The following TSHZ3 variants were observed in gnomAD, a reference collection of about 807,000 sequenced individuals.
TSHZ3 encodes teashirt zinc finger homeobox 3, also known as teashirt homolog 3.
Under a neutral mutation model 64.5 loss-of-function variants are expected in TSHZ3, and 10 were observed. The observed-to-expected ratio is 0.16, with a 90% CI of 0.10 to 0.26. TSHZ3 has a LOEUF of 0.26. Among genes scored for constraint, TSHZ3 ranks in the 10% least tolerant of loss-of-function variants. TSHZ3 has a pLI of 1.00. For missense variants in TSHZ3, 1,242 were observed against 1,421.7 expected, an observed-to-expected ratio of 0.87 and a Z score of 2.03; for synonymous variants, 608 against 593.1, an observed-to-expected ratio of 1.03 and a Z score of -0.36.
intron 5 of TSHZ3, among the ~76,000 whole-genome samples, chr19:31,194,168 T>C (rs1467275645): frequency 1.3e-5 from 2 of 152,194 alleles, no homozygotes; most frequent in Non-Finnish European, 2.9e-5. Context: ...GGAGTCTCAG[T>C]GTGGATAAAC....
chr19:31,321,112 T>C (rs1390667007), intron 1 of TSHZ3, among the ~76,000 whole-genome samples: 3 of 152,234 alleles, frequency 2.0e-5, no homozygotes, highest in Admixed American at 1.3e-4. Context: ...AGGATGGCAG[T>C]GATACCATGC....
At chr19:31,307,364 C>T (rs575396137) in intron 1 of TSHZ3, among the ~76,000 whole-genome samples, 1 of 152,142 alleles carries the variant, frequency 6.6e-6, no homozygotes, top group Non-Finnish European at 1.5e-5. Flanking sequence ...ACGATGGGGC[C>T]AACTGCATAT....
intron 1 of TSHZ3, among the ~76,000 whole-genome samples, chr19:31,310,714 G>A (rs1002918172): frequency 7.9e-5 from 12 of 152,224 alleles, no homozygotes; most frequent in Admixed American, 6.5e-4. Flanking sequence ...AGCAGGACTT[G>A]AGCAAGCTAC....
At chr19:31,284,014 C>T (rs1341323533) in intron 1 of TSHZ3, among the ~76,000 whole-genome samples, 1 of 152,192 alleles carries the variant, frequency 6.6e-6, no homozygotes, top group Admixed American at 6.5e-5. Context: ...TTCGACCCAA[C>T]AATGCATCAC....
At chr19:31,338,167 T>C (rs11878775) in intron 1 of TSHZ3, among the ~76,000 whole-genome samples, 1,763 of 152,062 alleles carry the variant, frequency 0.012, 35 homozygotes, top group African/African-American at 0.04. Flanking sequence ...GCAGAAGAGG[T>C]GGAAAGGCCA....
At chr19:31,193,133 A>C (rs1051771277) in intron 5 of TSHZ3, among the ~76,000 whole-genome samples, 1 of 152,124 alleles carries the variant, frequency 6.6e-6, no homozygotes, top group Non-Finnish European at 1.5e-5. Context: ...TTCTCTTGTC[A>C]TTGCTAAGCC....
intron 5 of TSHZ3, among the ~76,000 whole-genome samples, chr19:31,161,775 G>A (rs1397412136): frequency 6.6e-6 from 1 of 152,206 alleles, no homozygotes; most frequent in African/African-American, 2.4e-5. Flanking sequence ...TCTGTAAAGG[G>A]CCAGATAGTA....
rs1342488301 is a variant in TSHZ3 at position 31,279,724 on chromosome 19, A to G, written c.69T>C (p.Ala23=). The G allele has an allele frequency of 6.6e-7, 1 of 1,520,914 alleles. No homozygotes were observed. Among genetic ancestry groups the G allele is most frequent in the South Asian group, 1.3e-5 (1 of 75,880 alleles). The allele number at this position is 1,520,914 out of a possible 1,614,324, so 94.2% of individuals were successfully genotyped here. A position where few individuals can be genotyped will look rare whatever the true frequency, so the allele number is the denominator to read the frequency against. ...GGTCTAAACCTTCGTCCACCAGGGC[A>G]GCAGCCTTTAACTCTTCGGAAACAT... ...AAYVSEELKA[A]ALVDEGLDPE... The change falls in exon 2 of 2, where the codon GCT becomes GCC. Residue 23 remains alanine (A), a synonymous_variant. Transcript: ENST00000240587. The surrounding 1 kb of genome is among the most constrained non-coding windows in gnomAD (Gnocchi z 6.4).
At chr19:31,258,273 T>C (rs564409866) in intron 1 of TSHZ3, among the ~76,000 whole-genome samples, 1 of 152,250 alleles carries the variant, frequency 6.6e-6, no homozygotes, top group South Asian at 2.1e-4. Context: ...TAGAGTGGCT[T>C]TCTCAAGTTT....
At chr19:31,254,992 A>G (rs928829233) in intron 1 of TSHZ3, among the ~76,000 whole-genome samples, 2 of 152,156 alleles carry the variant, frequency 1.3e-5, no homozygotes, top group African/African-American at 2.4e-5. Flanking sequence ...AGTCACTTCA[A>G]TGAATGATAA....
intron 1 of TSHZ3, among the ~76,000 whole-genome samples, chr19:31,292,834 A>G (rs983986318): frequency 2.8e-5 from 4 of 143,534 alleles, no homozygotes; most frequent in African/African-American, 7.9e-5. Context: ...ATCCATCCAT[A>G]TATCCCTCAT....
intron 1 of TSHZ3, among the ~76,000 whole-genome samples, chr19:31,281,152 G>A (rs886686518): frequency 6.6e-6 from 1 of 152,098 alleles, no homozygotes; most frequent in Non-Finnish European, 1.5e-5. Flanking sequence ...AGAAAGGAAG[G>A]GAAGTTTTGT....
intron 1 of TSHZ3, among the ~76,000 whole-genome samples, chr19:31,303,088 A>G (rs1307662636): frequency 1.3e-5 from 2 of 152,338 alleles, no homozygotes; most frequent in East Asian, 3.9e-4. Flanking sequence ...GTCATCTTTC[A>G]AATACGTTTG....
chr19:31,255,870 G>C (rs1282172996), intron 1 of TSHZ3, among the ~76,000 whole-genome samples: 1 of 152,186 alleles, frequency 6.6e-6, no homozygotes, highest in Non-Finnish European at 1.5e-5. Context: ...TTGCTCAGGG[G>C]CTAGTGTTGG....
chr19:31,191,848 C>T (rs1416080500), intron 5 of TSHZ3, among the ~76,000 whole-genome samples: 1 of 152,090 alleles, frequency 6.6e-6, no homozygotes, highest in African/African-American at 2.4e-5. Flanking sequence ...GACTGCACCC[C>T]AGCCTGGGTG....
At chr19:31,288,882 T>C (rs895651881) in intron 1 of TSHZ3, among the ~76,000 whole-genome samples, 1 of 152,104 alleles carries the variant, frequency 6.6e-6, no homozygotes, top group Non-Finnish European at 1.5e-5. Context: ...TGGGAAACAA[T>C]GTGATGTTAG....
chr19:31,155,954 A>G (rs1325227404), intron 6 of TSHZ3, among the ~76,000 whole-genome samples: 1 of 152,236 alleles, frequency 6.6e-6, no homozygotes, highest in African/African-American at 2.4e-5. Context: ...CAATAAGAAT[A>G]TACCCTGAAT....
At chr19:31,306,033 G>C (rs1194650162) in intron 1 of TSHZ3, among the ~76,000 whole-genome samples, 1 of 152,184 alleles carries the variant, frequency 6.6e-6, no homozygotes, top group Admixed American at 6.5e-5. Context: ...AGAAGTTTGG[G>C]GTGGGAGCCA....
intron 1 of TSHZ3, among the ~76,000 whole-genome samples, chr19:31,303,281 G>A (rs1005900746): frequency 6.6e-6 from 1 of 152,214 alleles, no homozygotes; most frequent in South Asian, 2.1e-4. Context: ...GCAGGCCTGA[G>A]TGTTGTAAAG....
Sources: allele counts gnomAD v4.1 joint callset (sites outside exome capture counted in the v4.1 genomes callset), GRCh38; gene constraint gnomAD v4.1.1; non-coding constraint Gnocchi (gnomAD v3.1); transcripts MANE v1.5; gene names NCBI Gene and HGNC (gene_info 2026-07-23, HGNC 2026-07-21).